Variants in STK32B observed in about 807,000 individuals in gnomAD.
STK32B encodes serine/threonine kinase 32B.
Under a neutral mutation model 52.6 loss-of-function variants are expected in STK32B, and 43 were observed. That is an observed-to-expected ratio of 0.82 (90% CI 0.64 to 1.05). The LOEUF (loss-of-function observed/expected upper bound fraction) is 1.05. Ranked by LOEUF, STK32B falls within the 50% of genes least tolerant of loss-of-function variation. The probability of loss-of-function intolerance (pLI) is 0.00; values close to 1 mark genes in which losing one functional copy is unlikely to be tolerated. For missense variants in STK32B, 621 were observed against 534.6 expected (o/e 1.16, Z -1.59); for synonymous variants, 238 against 204.3 (o/e 1.17, Z -1.41).
chr4:5,069,242 G>C (rs1711609368), intron 1 of STK32B, among the ~76,000 whole-genome samples: 1 of 150,034 alleles, frequency 6.7e-6, no homozygotes, highest in Non-Finnish European at 1.5e-5. Flanking sequence ...GCCCAGGCTG[G>C]GGTACAGTGG....
chr4:5,403,052 A>G (rs181329300), intron 5 of STK32B, among the ~76,000 whole-genome samples: 2 of 152,242 alleles, frequency 1.3e-5, no homozygotes, highest in Admixed American at 1.3e-4. Context: ...TTCTTTATTT[A>G]ATATTCCATT....
intron 5 of STK32B, among the ~76,000 whole-genome samples, chr4:5,405,408 G>C (rs1198149037): frequency 6.6e-6 from 1 of 152,132 alleles, no homozygotes; most frequent in Non-Finnish European, 1.5e-5. Context: ...TGGTGAGGGA[G>C]TGCTATGGTC....
At chr4:5,449,764 C>T (rs1243423284) in intron 7 of STK32B, among the ~76,000 whole-genome samples, 1 of 152,124 alleles carries the variant, frequency 6.6e-6, no homozygotes, top group East Asian at 1.9e-4. Flanking sequence ...GAGTGCAAAC[C>T]CTCTTGTGAA....
intron 4 of STK32B, among the ~76,000 whole-genome samples, chr4:5,332,574 C>G (rs768731933): frequency 1.4e-4 from 22 of 151,958 alleles, no homozygotes; most frequent in Non-Finnish European, 2.9e-4. Flanking sequence ...TATACATGTG[C>G]CATGCTGGTG....
chr4:5,105,718 C>T (rs1714065546), intron 1 of STK32B, among the ~76,000 whole-genome samples: 2 of 151,916 alleles, frequency 1.3e-5, no homozygotes, highest in South Asian at 2.1e-4. Context: ...CGCCCGCCAC[C>T]ACGCCTGGCT....
chr4:5,215,697 C>T (rs553747593), intron 3 of STK32B, among the ~76,000 whole-genome samples: 1 of 152,098 alleles, frequency 6.6e-6, no homozygotes, highest in Admixed American at 6.5e-5. Flanking sequence ...GTTGTTTAAA[C>T]CAAAGCCACT....
At chr4:5,040,902 G>T in the STK32B span, among the ~76,000 whole-genome samples, 1 of 152,182 alleles carries the variant, frequency 6.6e-6, no homozygotes, top group Non-Finnish European at 1.5e-5. Context: ...CTAGGCAACT[G>T]TAACACATTG....
chr4:5,128,285 G>A (rs548914453), intron 1 of STK32B, among the ~76,000 whole-genome samples: 8 of 152,330 alleles, frequency 5.3e-5, no homozygotes, highest in African/African-American at 1.4e-4. Flanking sequence ...CCTAGGAAAC[G>A]TATACATTGG....
At chr4:5,127,207 T>C (rs1016114969) in intron 1 of STK32B, 7 of 462,946 alleles carry the variant, frequency 1.5e-5, no homozygotes, top group African/African-American at 9.9e-5. Context: ...TTAGCTGCCA[T>C]ACAGTTGAGC....
intron 11 of STK32B, among the ~76,000 whole-genome samples, chr4:5,483,994 T>A (rs1274618889): frequency 3.9e-5 from 6 of 152,018 alleles, no homozygotes; most frequent in African/African-American, 4.8e-5. Flanking sequence ...TGCTGAGGAG[T>A]GCTTTACTTC....
intron 3 of STK32B, among the ~76,000 whole-genome samples, chr4:5,255,972 C>A (rs951394495): frequency 1.3e-5 from 2 of 152,084 alleles, no homozygotes; most frequent in Non-Finnish European, 2.9e-5. Context: ...ACACACAGAG[C>A]CCGTAGCATG....
At chr4:5,438,399 A>T (rs1714326510) in intron 6 of STK32B, among the ~76,000 whole-genome samples, 1 of 152,208 alleles carries the variant, frequency 6.6e-6, no homozygotes, top group African/African-American at 2.4e-5. Context: ...TGGAGTCAGG[A>T]TGATCTATCA....
chr4:5,216,203 G>A (rs182007085), intron 3 of STK32B, among the ~76,000 whole-genome samples: 12 of 152,186 alleles, frequency 7.9e-5, no homozygotes, highest in African/African-American at 2.2e-4. Context: ...TGGAACTAGC[G>A]GACTTGCATT....
intron 3 of STK32B, among the ~76,000 whole-genome samples, chr4:5,211,608 G>A (rs995072363): frequency 7.2e-5 from 11 of 152,102 alleles, no homozygotes; most frequent in African/African-American, 1.9e-4. Context: ...ATTTGCTTGC[G>A]GAATAAGAGG....
At chr4:5,366,235 A>G (rs1192216798) in intron 4 of STK32B, among the ~76,000 whole-genome samples, 1 of 152,228 alleles carries the variant, frequency 6.6e-6, no homozygotes, top group Non-Finnish European at 1.5e-5. Context: ...TGACAGCCTC[A>G]GAATTGCTGT....
intron 3 of STK32B, among the ~76,000 whole-genome samples, chr4:5,326,948 G>A (rs551459439): frequency 1.8e-4 from 27 of 152,236 alleles, no homozygotes; most frequent in African/African-American, 6.3e-4. Context: ...TCCTACAGCC[G>A]CTTTATCAAC....
intron 3 of STK32B, among the ~76,000 whole-genome samples, chr4:5,202,960 T>G (rs559666750): frequency 6.6e-6 from 1 of 152,308 alleles, no homozygotes; most frequent in South Asian, 2.1e-4. Context: ...CAACAATACC[T>G]TGGTTTGGGA....
At chr4:5,463,771 C>T (rs1163099853) in intron 9 of STK32B, among the ~76,000 whole-genome samples, 2 of 152,264 alleles carry the variant, frequency 1.3e-5, no homozygotes, top group South Asian at 2.1e-4. Flanking sequence ...GAACCTTGCA[C>T]AGGCCGCTTT....
At chr4:5,167,054 G>A (rs553349305) in intron 2 of STK32B, among the ~76,000 whole-genome samples, 8 of 152,058 alleles carry the variant, frequency 5.3e-5, no homozygotes, top group South Asian at 2.1e-4. Flanking sequence ...GTGTCTCCTC[G>A]GCTCCACGCC....
Sources: allele counts gnomAD v4.1 joint callset (sites outside exome capture counted in the v4.1 genomes callset), GRCh38; gene constraint gnomAD v4.1.1; transcripts MANE v1.5; gene names NCBI Gene and HGNC (gene_info 2026-07-23, HGNC 2026-07-21).